The following NUS1 variants were observed in gnomAD, a reference collection of about 807,000 sequenced individuals.
The protein encoded by NUS1 is dehydrodolichyl diphosphate synthase complex subunit NUS1.
For missense variants in NUS1, 292 were observed against 382.9 expected, an observed-to-expected ratio of 0.76 and a Z score of 1.98; for synonymous variants, 135 against 155.2, an observed-to-expected ratio of 0.87 and a Z score of 0.97.
At chr6:117,690,297 T>C (rs1178052097) in intron 1 of NUS1, among the ~76,000 whole-genome samples, 1 of 148,348 alleles carries the variant, frequency 6.7e-6, no homozygotes, top group African/African-American at 2.6e-5. Flanking sequence ...TGGGCATTCA[T>C]ACGTAGTGCC....
At chr6:117,681,371 A>G (rs1434204900) in intron 1 of NUS1, among the ~76,000 whole-genome samples, 1 of 152,202 alleles carries the variant, frequency 6.6e-6, no homozygotes, top group Admixed American at 6.5e-5. Flanking sequence ...TATGCATGTA[A>G]TGAATAGTTA....
rs1298165683 is a variant in NUS1 at position 117,675,564 on chromosome 6, G to C, written c.-107G>C. On this transcript the variant is annotated 5_prime_UTR_variant, in exon 1 of 5. Coordinates refer to ENST00000368494, the MANE Select transcript of NUS1 (RefSeq NM_138459.5). ...GGAAAGGGGTTCGGGCTCGGGGGGC[G>C]GGGGGACGCGGAGCGATGGCCCGCG... 2 of 1,168,126 alleles carry C rather than the reference G, an allele frequency of 1.7e-6. No individual in the cohort carries two copies. The highest frequency in any genetic ancestry group is 2.9e-5 in the South Asian group (2 of 69,226). The allele number at this position is 1,168,126 out of a possible 1,614,324, so 72.4% of individuals were successfully genotyped here. A position where few individuals can be genotyped will look rare whatever the true frequency, so the allele number is the denominator to read the frequency against.
intron 2 of NUS1, 63 bp from the exon 3 acceptor site, chr6:117,693,968 C>A: frequency 6.5e-7 from 1 of 1,538,322 alleles, no homozygotes; most frequent in South Asian, 1.3e-5. Flanking sequence ...TTTCTTAAAA[C>A]TGCTTTTGAA....
intron 1 of NUS1, among the ~76,000 whole-genome samples, chr6:117,688,609 T>G (rs1188909393): frequency 6.6e-6 from 1 of 152,162 alleles, no homozygotes; most frequent in Admixed American, 6.5e-5. Context: ...CCTGCTCCTT[T>G]TAATTTATTT....
chr6:117,691,435 G>T (rs1773214716), intron 1 of NUS1, among the ~76,000 whole-genome samples: 2 of 151,202 alleles, frequency 1.3e-5, no homozygotes, highest in South Asian at 4.2e-4. Flanking sequence ...GTTCATCTCA[G>T]CTCAAATCTT....
intron 1 of NUS1, among the ~76,000 whole-genome samples, chr6:117,686,922 CTG>C (rs1345879703): frequency 2.7e-5 from 4 of 148,478 alleles, no homozygotes; most frequent in Non-Finnish European, 5.9e-5. Context: ...CTGAAGAAAA[CTG>C]TAAGCTGATA....
intron 1 of NUS1, among the ~76,000 whole-genome samples, chr6:117,690,697 TAAA>T (rs1373890784): frequency 1.3e-5 from 2 of 152,108 alleles, no homozygotes; most frequent in African/African-American, 4.8e-5. Flanking sequence ...TTTCAACTTT[TAAA>T]AATGTTATCG....
chr6:117,690,679 T>C (rs914484125), intron 1 of NUS1, among the ~76,000 whole-genome samples: 3 of 152,156 alleles, frequency 2.0e-5, no homozygotes, highest in African/African-American at 7.2e-5. Flanking sequence ...AAGTTCTCTT[T>C]GTGGAATTTT....
intron 1 of NUS1, among the ~76,000 whole-genome samples, chr6:117,677,725 A>G (rs1773004445): frequency 6.6e-6 from 1 of 152,172 alleles, no homozygotes; most frequent in Non-Finnish European, 1.5e-5. Flanking sequence ...TTTGCCCTAT[A>G]GGGTAAAGTT....
intron 3 of NUS1, among the ~76,000 whole-genome samples, chr6:117,696,312 AAGAGGAGATAC>A (rs1773320108): frequency 6.6e-6 from 1 of 152,154 alleles, no homozygotes; most frequent in African/African-American, 2.4e-5. Flanking sequence ...ATTGGCCTTA[AAGAGGAGATAC>A]AGAGAGAGAA....
chr6:117,707,870 G>C lies in NUS1; in HGVS notation c.*855G>C, dbSNP rs1582479295. ...AGGTCAATAAGTTGTAATCTTGATA[G>C]TAAAGGTGGAAAACTTATTATAAAT... On this transcript the variant is annotated 3_prime_UTR_variant, in exon 5 of 5. Coordinates refer to ENST00000368494, the MANE Select transcript of NUS1 (RefSeq NM_138459.5). 1 of 152,446 alleles carries C rather than the reference G, an allele frequency of 6.6e-6. No homozygotes were observed. Among genetic ancestry groups the C allele is most frequent in the Admixed American group, 6.6e-5 (1 of 15,266 alleles). 9.4% of individuals were successfully genotyped at this position (152,446 alleles called of 1,614,324 possible). A position where few individuals can be genotyped will look rare whatever the true frequency, so the allele number is the denominator to read the frequency against.
At chr6:117,686,241 C>G (rs1294769942) in intron 1 of NUS1, among the ~76,000 whole-genome samples, 1 of 151,218 alleles carries the variant, frequency 6.6e-6, no homozygotes, top group East Asian at 1.9e-4. Context: ...GCCTGGGCAA[C>G]AGAGCAAGAT....
rs895490621 is a variant in NUS1 at position 117,684,254 on chromosome 6, C to T, written c.415+8169C>T. Among the ~76,000 whole-genome samples the T allele has an allele frequency of 2.6e-5, 4 of 152,236 alleles. No homozygotes were observed. The South Asian group carries it at 6.2e-4, about 24-fold the overall frequency. On this transcript the variant is annotated intron_variant, in intron 1 of 4. Transcript: ENST00000368494. ...CCCAATCCCATGGATTTAAATGTCACGTGTGTGCTGACACACAGGTTTGGG... is the reference window on the plus strand; with the variant it reads ...CCCAATCCCATGGATTTAAATGTCATGTGTGTGCTGACACACAGGTTTGGG...
intron 1 of NUS1, among the ~76,000 whole-genome samples, chr6:117,682,272 C>T (rs1021833784): frequency 2.0e-5 from 3 of 152,120 alleles, no homozygotes; most frequent in Non-Finnish European, 2.9e-5. Context: ...TCTATGTACC[C>T]TTTTGTTTAA....
At chr6:117,690,186 T>C (rs1159963455) in intron 1 of NUS1, among the ~76,000 whole-genome samples, 1 of 152,274 alleles carries the variant, frequency 6.6e-6, no homozygotes, top group Non-Finnish European at 1.5e-5. Context: ...TTTAGTGATA[T>C]ATTTTTTGCT....
At chr6:117,691,556 T>G (rs111695282) in intron 1 of NUS1, among the ~76,000 whole-genome samples, 9 of 36,150 alleles carry the variant, frequency 2.5e-4, no homozygotes, top group African/African-American at 5.7e-4. Context: ...GCCATAGATA[T>G]AGATATATAT....
chr6:117,675,621 G>T lies in NUS1; in HGVS notation c.-50G>T. 2 of 1,391,826 alleles carry T rather than the reference G, an allele frequency of 1.4e-6. No individual in the cohort carries two copies. Among genetic ancestry groups the T allele is most frequent in the Non-Finnish European group, 2.0e-6 (2 of 1,025,118 alleles). The allele number at this position is 1,391,826 out of a possible 1,614,324, so 86.2% of individuals were successfully genotyped here. A position where few individuals can be genotyped will look rare whatever the true frequency, so the allele number is the denominator to read the frequency against. On this transcript the variant is annotated 5_prime_UTR_variant, in exon 1 of 5. Coordinates refer to ENST00000368494, the MANE Select transcript of NUS1 (RefSeq NM_138459.5). The stretch of plus-strand genomic sequence containing the variant: ...GCAGGGGCGGATAAAAAGCCGTCGC[G>T]CTGCGGGAGTGGGCGGGAGGGAGAG...
chr6:117,685,440 G>A (rs551665559), intron 1 of NUS1, among the ~76,000 whole-genome samples: 61 of 151,544 alleles, frequency 4.0e-4, no homozygotes, highest in African/African-American at 1.3e-3. Context: ...GTGCAGTGGT[G>A]CGATCATAGT....
chr6:117,695,868 T>C (rs993039911), intron 3 of NUS1, among the ~76,000 whole-genome samples: 1 of 152,202 alleles, frequency 6.6e-6, no homozygotes, highest in East Asian at 1.9e-4. Context: ...GGTTCATCTA[T>C]GTAAAATGCA....
Sources: gnomAD v4.1 joint callset for allele counts (sites outside exome capture counted in the v4.1 genomes callset) on GRCh38, gnomAD v4.1.1 for gene constraint, MANE v1.5 for transcripts, NCBI Gene and HGNC (gene_info 2026-07-23, HGNC 2026-07-21) for gene names.